SHPRH: variants seen among roughly 807,000 people sequenced by gnomAD.
SHPRH encodes the protein E3 ubiquitin-protein ligase SHPRH.
Under a neutral mutation model 202.5 loss-of-function variants are expected in SHPRH, and 106 were observed. That is an observed-to-expected ratio of 0.52 (90% CI 0.45 to 0.62). The LOEUF is 0.62. SHPRH is among the 20% of genes least tolerant of loss of function. The probability of loss-of-function intolerance (pLI) is 0.00; values close to 1 mark genes in which losing one functional copy is unlikely to be tolerated. For missense variants in SHPRH, 1,710 were observed against 2,020.0 expected, an observed-to-expected ratio of 0.85 and a Z score of 2.94; for synonymous variants, 729 against 686.0, an observed-to-expected ratio of 1.06 and a Z score of -0.98.
chr6:145,938,923 A>T (rs540784836), intron 11 of SHPRH, among the ~76,000 whole-genome samples: 40 of 152,146 alleles, frequency 2.6e-4, no homozygotes, highest in Non-Finnish European at 4.4e-4. Context: ...TCAGTCTGGC[A>T]ATTTCTGAAG....
chr6:145,924,892 A>G, intron 16 of SHPRH, 46 bp from the exon 17 acceptor site: 1 of 1,446,658 alleles, frequency 6.9e-7, no homozygotes, highest in Non-Finnish European at 9.7e-7. Context: ...AATCTAGAAT[A>G]TAATTCAGTA....
chr6:145,863,855 A>C (rs1779659096), downstream of SHPRH, among the ~76,000 whole-genome samples: 1 of 152,248 alleles, frequency 6.6e-6, no homozygotes, highest in South Asian at 2.1e-4. Context: ...GCTGTCAGAA[A>C]GCAGGACTGA....
At chr6:145,864,711 A>G (rs1311924016) in intron 2 of SHPRH, among the ~76,000 whole-genome samples, 1 of 151,840 alleles carries the variant, frequency 6.6e-6, no homozygotes. Context: ...TTAAAAAAAA[A>G]GAGAAACTGC....
intron 4 of SHPRH, among the ~76,000 whole-genome samples, chr6:145,949,241 C>G (rs369669148): frequency 4.6e-5 from 7 of 151,938 alleles, no homozygotes; most frequent in African/African-American, 1.7e-4. Flanking sequence ...GTCATTATAT[C>G]AAAAAGTCAC....
chr6:145,952,854 GA>G (rs1162686586), intron 2 of SHPRH, among the ~76,000 whole-genome samples: 2 of 152,004 alleles, frequency 1.3e-5, no homozygotes, highest in African/African-American at 4.8e-5. Context: ...TACATGCTAG[GA>G]ATCTTCTGCA....
downstream of SHPRH, among the ~76,000 whole-genome samples, chr6:145,880,416 C>G (rs980129183): frequency 3.3e-5 from 5 of 151,886 alleles, 1 homozygote; most frequent in Admixed American, 2.0e-4. Flanking sequence ...ATCACTTGAG[C>G]CCAGGAGTTT....
chr6:145,894,433 T>TG (rs397827227), intron 26 of SHPRH, among the ~76,000 whole-genome samples, 197 bp from the exon 27 acceptor site: 1 of 151,012 alleles, frequency 6.6e-6, no homozygotes, highest in African/African-American at 2.4e-5. Context: ...TTTTTTTTTT[T>TG]GCATCAAATG....
Position 145,955,233 on chromosome 6 carries a change from C to G in SHPRH, c.90G>C (p.Arg30Ser), listed in dbSNP as rs1479311881. The change falls in exon 2 of 30, where the codon AGG becomes AGC. Residue 30 changes from arginine (R) to serine (S), a missense_variant. Transcript: ENST00000275233. ...CATCACTTATGATGATAGGTTCATT[C>G]CTTCTGTCCTCATGCATATTCCAAT... ...QLHWNMHEDRRNEPIIISDDD... is the reference protein window; with the variant it reads ...QLHWNMHEDRSNEPIIISDDD... 1 of 1,613,340 alleles carries G rather than the reference C, an allele frequency of 6.2e-7. No homozygotes were observed. Among genetic ancestry groups the G allele is most frequent in the Non-Finnish European group, 8.5e-7 (1 of 1,179,934 alleles).
At position 145,938,218 on chromosome 6, in the gene SHPRH, G is replaced by A. The variant is rs1173455720; in HGVS notation, c.2569+2505C>T. On this transcript the variant is annotated intron_variant, in intron 11 of 29. Transcript: ENST00000275233. Reference sequence around the variant, plus strand: ...GATTAATTGTCATTATTGCAGGAGCGGGTTAGTTATCTCAAGGGTTGGTTG... The same window carrying A: ...GATTAATTGTCATTATTGCAGGAGCAGGTTAGTTATCTCAAGGGTTGGTTG... Among the ~76,000 whole-genome samples the A allele has an allele frequency of 2.6e-5, 4 of 152,050 alleles. No homozygotes were observed. In the East Asian group the frequency reaches 5.8e-4, roughly 22 times the overall value.
downstream of SHPRH, among the ~76,000 whole-genome samples, chr6:145,861,568 A>G (rs1271465407): frequency 6.6e-6 from 1 of 152,230 alleles, no homozygotes; most frequent in African/African-American, 2.4e-5. Context: ...TAGAATTGCC[A>G]TTTGATCCAG....
intron 18 of SHPRH, 55 bp downstream of exon 18, chr6:145,923,588 G>C: frequency 6.3e-7 from 1 of 1,575,588 alleles, no homozygotes; most frequent in South Asian, 1.2e-5. Flanking sequence ...GAAAATACAA[G>C]GATTTCTTTG....
chr6:145,951,861 C>A, intron 3 of SHPRH: 1 of 456,066 alleles, frequency 2.2e-6, no homozygotes, highest in Non-Finnish European at 4.4e-6. Flanking sequence ...GCCATCCACA[C>A]TCTCCCAAGG....
In SHPRH at chr6:145,954,983, C is replaced by T. The variant is rs774973192; in HGVS notation, c.340G>A (p.Ala114Thr). ...SPYHFDNSWK[A>T]FLGELTLQLL... is the part of the protein sequence containing the mutation. Reference sequence around the variant, plus strand: ...TGAAGAGTTAATTCTCCTAGAAATGCTTTCCAGGAATTATCAAAATGATAG... The same window carrying T: ...TGAAGAGTTAATTCTCCTAGAAATGTTTTCCAGGAATTATCAAAATGATAG... The change falls in exon 2 of 30, where the codon GCA (alanine) becomes ACA (threonine). Residue 114 changes from alanine (A) to threonine (T), a missense_variant. Transcript: ENST00000275233. 1 of 1,613,768 alleles carries T rather than the reference C, an allele frequency of 6.2e-7. No homozygotes were observed. Among genetic ancestry groups the T allele is most frequent in the Non-Finnish European group, 8.5e-7 (1 of 1,179,898 alleles).
At chr6:145,904,099 TA>T (rs1782738654) in intron 25 of SHPRH, 1 of 152,048 alleles carries the variant, frequency 6.6e-6, no homozygotes, top group Admixed American at 6.6e-5. Context: ...AAATACTACT[TA>T]AAAATGTCTA....
chr6:145,874,896 A>C (rs1477703873), intron 2 of SHPRH, among the ~76,000 whole-genome samples: 4 of 152,220 alleles, frequency 2.6e-5, no homozygotes, highest in Non-Finnish European at 5.9e-5. Flanking sequence ...TTTAAACTCC[A>C]CAGAGCTTGA....
At chr6:145,948,409 C>A in intron 4 of SHPRH, 59 bp from the exon 5 acceptor site, 1 of 1,338,502 alleles carries the variant, frequency 7.5e-7, no homozygotes, top group Admixed American at 1.9e-5. Flanking sequence ...CAGATAATCA[C>A]ATTAAAAAAA....
downstream of SHPRH, among the ~76,000 whole-genome samples, chr6:145,879,910 CAAAAAAAAAAAAA>C (rs67055862): frequency 3.3e-5 from 2 of 61,100 alleles, no homozygotes; most frequent in Non-Finnish European, 5.8e-5. Flanking sequence ...AACTCAATCT[CAAAAAAAAAAAAA>C]AAAAAAAAAG....
Position 145,952,351 on chromosome 6 carries a change from G to A in SHPRH, c.761C>T (p.Pro254Leu). 1 of 1,591,114 alleles carries A rather than the reference G, an allele frequency of 6.3e-7. No homozygotes were observed. The highest frequency in any genetic ancestry group is 8.6e-7 in the Non-Finnish European group (1 of 1,169,556). ...VMEKLHNSIIPDVLEEDEDDP... is the reference protein window; with the variant it reads ...VMEKLHNSIILDVLEEDEDDP... Reference sequence around the variant, plus strand: ...TTTAAGTTTACTGTAAATATTACCTGGAATAATAGAATTGTGTAACTTTTC... The same window carrying A: ...TTTAAGTTTACTGTAAATATTACCTAGAATAATAGAATTGTGTAACTTTTC... The change falls in exon 3 of 30, where the codon CCA becomes CTA. Residue 254 changes from proline (P) to leucine (L), a missense_variant and splice_region_variant. Transcript: ENST00000275233.
chr6:145,887,636 A>C (rs1781184061), intron 29 of SHPRH, among the ~76,000 whole-genome samples: 1 of 151,360 alleles, frequency 6.6e-6, no homozygotes, highest in African/African-American at 2.4e-5. Flanking sequence ...CCGGGGTTCA[A>C]GCGATTCTCC....
Sources: gnomAD v4.1 joint callset for allele counts (sites outside exome capture counted in the v4.1 genomes callset) on GRCh38, gnomAD v4.1.1 for gene constraint, MANE v1.5 for transcripts, NCBI Gene and HGNC (gene_info 2026-07-23, HGNC 2026-07-21) for gene names.